UGT1A8: variants seen among roughly 807,000 people sequenced by gnomAD.
UGT1A8 encodes UDP glucuronosyltransferase family 1 member A8, also known as UDP-glucuronosyltransferase 1A8.
A neutral mutation model predicts 45.3 loss-of-function variants in UGT1A8; 39 were observed. The ratio of observed to expected loss-of-function variants is 0.86; its 90% CI spans 0.67 to 1.12. The LOEUF (loss-of-function observed/expected upper bound fraction) is 1.12. Ranked by LOEUF, UGT1A8 falls within the 50% of genes most tolerant of loss-of-function variation. The pLI, the probability that UGT1A8 is intolerant of heterozygous loss-of-function variation, is 0.00. For missense variants in UGT1A8, 719 were observed against 664.9 expected, an observed-to-expected ratio of 1.08 and a Z score of -0.90; for synonymous variants, 275 against 249.2, an observed-to-expected ratio of 1.10 and a Z score of -0.97.
At chr2:233,639,247 T>C (rs2073384264) in intron 1 of UGT1A8, among the ~76,000 whole-genome samples, 1 of 152,238 alleles carries the variant, frequency 6.6e-6, no homozygotes, top group South Asian at 2.1e-4. Flanking sequence ...TATTAAAGAA[T>C]ATACACATGT....
intron 1 of UGT1A8, among the ~76,000 whole-genome samples, chr2:233,670,700 C>T (rs1180684097): frequency 2.0e-5 from 3 of 152,136 alleles, no homozygotes; most frequent in African/African-American, 7.2e-5. Flanking sequence ...TATCCCCCAC[C>T]TTTTGTTGCT....
chr2:233,754,484 A>G (rs1052764550), intron 1 of UGT1A8: 3 of 358,432 alleles, frequency 8.4e-6, no homozygotes, highest in African/African-American at 2.1e-5. Context: ...TTCACTTTCA[A>G]TCCTAAAAAA....
chr2:233,757,535 A>AATATATATATATATATATATATATAT (rs67292694), intron 1 of UGT1A8, among the ~76,000 whole-genome samples: 77 of 88,242 alleles, frequency 8.7e-4, no homozygotes, highest in East Asian at 3.1e-3. Context: ...GCCTGTAAGG[A>AATATATATATATATATATATATATAT]ATATATATAT....
intron 1 of UGT1A8, chr2:233,748,131 A>C: frequency 6.2e-7 from 1 of 1,610,240 alleles, no homozygotes; most frequent in Non-Finnish European, 8.5e-7. Context: ...ACAGTTTTTA[A>C]AAATTGTATT....
intron 1 of UGT1A8, among the ~76,000 whole-genome samples, chr2:233,702,642 A>G (rs913191367): frequency 1.3e-5 from 2 of 152,146 alleles, no homozygotes; most frequent in African/African-American, 4.8e-5. Context: ...ATTTTCATCT[A>G]TTCCTAGCTC....
chr2:233,675,269 C>T (rs1457249152), intron 1 of UGT1A8, among the ~76,000 whole-genome samples: 7 of 152,080 alleles, frequency 4.6e-5, no homozygotes, highest in South Asian at 2.1e-4. Flanking sequence ...TATATCATTC[C>T]GTGTGGTCAT....
chr2:233,663,007 C>T (rs553203985), intron 1 of UGT1A8, among the ~76,000 whole-genome samples: 1 of 152,260 alleles, frequency 6.6e-6, no homozygotes, highest in East Asian at 1.9e-4. Flanking sequence ...TTGTCATCTT[C>T]ACCACTTTAG....
intron 1 of UGT1A8, among the ~76,000 whole-genome samples, chr2:233,635,795 G>C (rs145951009): frequency 6.6e-6 from 1 of 150,994 alleles, no homozygotes; most frequent in South Asian, 2.1e-4. Flanking sequence ...CAGTCACAGA[G>C]AGGCAGCCCA....
At chr2:233,728,977 G>C (rs1437469513) in intron 1 of UGT1A8, 13 of 1,494,456 alleles carry the variant, frequency 8.7e-6, no homozygotes, top group Admixed American at 2.1e-5. Flanking sequence ...ATAGATTAAT[G>C]GTTAATAATT....
At chr2:233,738,547 G>T (rs1209764817) in intron 1 of UGT1A8, among the ~76,000 whole-genome samples, 1 of 152,216 alleles carries the variant, frequency 6.6e-6, no homozygotes, top group African/African-American at 2.4e-5. Context: ...CTGAGTCTCA[G>T]ATAGAGATGA....
At chr2:233,625,763 G>A (rs984533047) in intron 1 of UGT1A8, among the ~76,000 whole-genome samples, 9 of 151,670 alleles carry the variant, frequency 5.9e-5, no homozygotes, top group African/African-American at 2.2e-4. Context: ...CATAAAGATG[G>A]CAACAATAGA....
Position 233,699,187 on chromosome 2 carries a change from T to C in UGT1A8, c.856-67847T>C, listed in dbSNP as rs28898580. ...CTGTCTCTCTGATCCTCACTTCTTC[T>C]TCAGAATCTCATGCTGTTGCATGAA... On this transcript the variant is annotated intron_variant, in intron 1 of 4. Transcript: ENST00000373450. 4.1e-3 allele frequency among the ~76,000 whole-genome samples: 631 copies of C among 152,270 alleles called. 4 individuals are homozygous for C. The highest frequency in any genetic ancestry group is 0.015 in the African/African-American group (604 of 41,566).
chr2:233,671,195 G>A (rs183298272), intron 1 of UGT1A8, among the ~76,000 whole-genome samples: 109 of 152,310 alleles, frequency 7.2e-4, no homozygotes, highest in Middle Eastern at 3.4e-3. Flanking sequence ...CAAGTTGAGC[G>A]GTCACTGAGA....
intron 1 of UGT1A8, among the ~76,000 whole-genome samples, chr2:233,642,183 T>C (rs2073470383): frequency 1.3e-5 from 2 of 152,214 alleles, no homozygotes; most frequent in Non-Finnish European, 2.9e-5. Context: ...CCTATAAGCA[T>C]GCTTCATTGT....
intron 1 of UGT1A8, among the ~76,000 whole-genome samples, chr2:233,679,835 T>C (rs758637237): frequency 9.9e-5 from 15 of 152,186 alleles, no homozygotes; most frequent in Non-Finnish European, 1.8e-4. Context: ...CTTTAATTTT[T>C]CTCAAATCAC....
chr2:233,754,950 C>T lies in UGT1A8; in HGVS notation c.856-12084C>T, dbSNP rs186689116. ...CAAGAGGTCAAAGGAGAATGGGTCC[C>T]GGCCGCCAAAGAACTCCCTGAAGAC... On this transcript the variant is annotated intron_variant, in intron 1 of 4. Transcript: ENST00000373450. The T allele has an allele frequency of 1.7e-3, 2,306 of 1,324,608 alleles. 28 individuals carry two copies. In the African/African-American group the frequency reaches 0.028, roughly 16 times the overall value. The allele number at this position is 1,324,608 out of a possible 1,614,324, so 82.1% of individuals were successfully genotyped here.
chr2:233,626,007 TGGA>T (rs1295394692), intron 1 of UGT1A8, among the ~76,000 whole-genome samples: 2 of 152,008 alleles, frequency 1.3e-5, no homozygotes, highest in African/African-American at 2.4e-5. Context: ...GAGTGGGCTG[TGGA>T]GGAGGAGGAG....
At position 233,701,259 on chromosome 2, in the gene UGT1A8, G is replaced by A. The variant is rs1386323387; in HGVS notation, c.856-65775G>A. ...CAGTAATGAGATGGCTGGGTCAAAT[G>A]GTATTTCTAGTTCTAGATCCTTGAG... On this transcript the variant is annotated intron_variant, in intron 1 of 4. Coordinates refer to ENST00000373450, the MANE Select transcript of UGT1A8 (RefSeq NM_019076.5). 3.3e-5 allele frequency among the ~76,000 whole-genome samples: 5 copies of A among 152,008 alleles called. No homozygotes were observed. In the East Asian group the frequency reaches 5.8e-4, roughly 18 times the overall value.
intron 1 of UGT1A8, among the ~76,000 whole-genome samples, chr2:233,645,467 G>A (rs1351537499): frequency 1.3e-5 from 2 of 152,184 alleles, no homozygotes; most frequent in Non-Finnish European, 2.9e-5. Context: ...CTGAGACAAG[G>A]CAAGTCCCTT....
Sources: gnomAD v4.1 joint callset for allele counts (sites outside exome capture counted in the v4.1 genomes callset) on GRCh38, gnomAD v4.1.1 for gene constraint, MANE v1.5 for transcripts, NCBI Gene and HGNC (gene_info 2026-07-23, HGNC 2026-07-21) for gene names.